The following ARHGAP35 variants were observed in gnomAD, a reference collection of about 807,000 sequenced individuals.
ARHGAP35 encodes the protein Rho GTPase activating protein 35, also known as rho GTPase-activating protein 35.
A neutral mutation model predicts 111.1 loss-of-function variants in ARHGAP35; 15 were observed. The observed-to-expected ratio is 0.13, with a 90% confidence interval of 0.09 to 0.21. The LOEUF is 0.21. Among genes scored for constraint, ARHGAP35 ranks in the 10% least tolerant of loss-of-function variants. The pLI, the probability that ARHGAP35 is intolerant of heterozygous loss-of-function variation, is 1.00. For synonymous variants in ARHGAP35, 643 were observed against 710.3 expected, an observed-to-expected ratio of 0.91 and a Z score of 1.51; for missense variants, 1,262 against 1,873.0, an observed-to-expected ratio of 0.67 and a Z score of 6.02.
In ARHGAP35 at chr19:46,919,230, C is replaced by T. The variant is rs189377450; in HGVS notation, c.555C>T (p.Tyr185=). The T allele has an allele frequency of 5.6e-3, 9,082 of 1,613,812 alleles. 190 individuals carry two copies. The highest frequency in any genetic ancestry group is 3.5e-3 in the Non-Finnish European group (4,105 of 1,179,862). The part of the protein sequence containing the change: ...DDQLKFVSNL[Y]NQLAKTKKPI... ...AGCTCAAGTTTGTCTCCAATCTCTACAATCAGCTTGCAAAAACAAAAAAGC... is the reference window on the plus strand; with the variant it reads ...AGCTCAAGTTTGTCTCCAATCTCTATAATCAGCTTGCAAAAACAAAAAAGC... Residue 185 remains tyrosine, a synonymous_variant, in exon 2 of 7, where the codon TAC becomes TAT. Coordinates refer to ENST00000672722, the MANE Select transcript of ARHGAP35 (RefSeq NM_004491.5). This position sits in a 1 kb window ranked among gnomAD's most constrained non-coding sequence, Gnocchi z 6.2.
chr19:46,920,402 C>A lies in ARHGAP35; in HGVS notation c.1727C>A (p.Ser576Tyr). The A allele has an allele frequency of 6.2e-7, 1 of 1,613,966 alleles. No homozygotes were observed. Residue 576 changes from serine to tyrosine, a missense_variant, in exon 2 of 7, where the codon TCT (serine) becomes TAT (tyrosine). By Grantham distance (144) the Ser-to-Tyr change is moderately radical. Coordinates refer to ENST00000672722, the MANE Select transcript of ARHGAP35 (RefSeq NM_004491.5). The surrounding 1 kb of genome is among the most constrained non-coding windows in gnomAD (Gnocchi z 7.0). The stretch of plus-strand genomic sequence containing the variant: ...GCTAAGATTGAGCACTTGATTAGTT[C>A]TCGGTTTATCCGGCCGTCTGACCGG... ...VDAKIEHLISSRFIRPSDRNQ... is the reference protein window; with the variant it reads ...VDAKIEHLISYRFIRPSDRNQ...
At chr19:46,861,686 C>G (rs1348188002) in intron 1 of ARHGAP35, among the ~76,000 whole-genome samples, 1 of 152,060 alleles carries the variant, frequency 6.6e-6, no homozygotes, top group Non-Finnish European at 1.5e-5. Context: ...TGACGCTTCT[C>G]CCTCTTCTCG....
intron 3 of ARHGAP35, among the ~76,000 whole-genome samples, chr19:46,980,164 C>T (rs554387788): frequency 8.5e-5 from 13 of 152,262 alleles, no homozygotes; most frequent in Non-Finnish European, 1.8e-4. Context: ...GTGGGCGGAC[C>T]ACCTGAGGTC....
At chr19:46,892,772 A>G (rs1004020742) in intron 1 of ARHGAP35, among the ~76,000 whole-genome samples, 1 of 151,608 alleles carries the variant, frequency 6.6e-6, no homozygotes, top group African/African-American at 2.4e-5. Flanking sequence ...AGTTCTTTCC[A>G]TAGGTTGATT....
intron 3 of ARHGAP35, among the ~76,000 whole-genome samples, chr19:46,940,823 C>G (rs1388799798): frequency 6.6e-6 from 1 of 152,136 alleles, no homozygotes; most frequent in Non-Finnish European, 1.5e-5. Flanking sequence ...CTGGCAGATA[C>G]CACAGGGCAG....
chr19:46,937,790 A>G (rs2056318127), intron 3 of ARHGAP35, among the ~76,000 whole-genome samples: 1 of 152,206 alleles, frequency 6.6e-6, no homozygotes, highest in Non-Finnish European at 1.5e-5. Flanking sequence ...TGTCCTCAGT[A>G]CTATAGTGGA....
Position 46,980,426 on chromosome 19 carries a change from C to T in ARHGAP35, c.3827-7563C>T, listed in dbSNP as rs963727970. Among the ~76,000 whole-genome samples, 4 of 152,298 alleles carry T rather than the reference C, an allele frequency of 2.6e-5. No homozygotes were observed. The East Asian group carries it at 7.7e-4, about 29-fold the overall frequency. On this transcript the variant is annotated intron_variant, in intron 3 of 6. Coordinates refer to ENST00000672722, the MANE Select transcript of ARHGAP35 (RefSeq NM_004491.5). ...AATATTTACAGCATCTTGACAGACT[C>T]ATTAATGATGTCATTACCCCATTTT...
chr19:46,968,856 G>A (rs1174405963), intron 3 of ARHGAP35, among the ~76,000 whole-genome samples: 7 of 152,198 alleles, frequency 4.6e-5, no homozygotes, highest in Non-Finnish European at 8.8e-5. Context: ...GGAGGCCAAG[G>A]CAGGCAGATC....
intron 2 of ARHGAP35, among the ~76,000 whole-genome samples, chr19:46,935,519 G>A (rs549285934): frequency 2.6e-5 from 4 of 152,184 alleles, no homozygotes; most frequent in Non-Finnish European, 5.9e-5. Context: ...AAGGGGTACT[G>A]GTAGGAACGA....
chr19:46,996,983 C>T (rs1430623515), intron 5 of ARHGAP35, among the ~76,000 whole-genome samples: 1 of 152,070 alleles, frequency 6.6e-6, no homozygotes, highest in Non-Finnish European at 1.5e-5. Context: ...CGTGATGAAA[C>T]CCCGTCTCTA....
At position 46,919,448 on chromosome 19, in the gene ARHGAP35, C is replaced by T. The variant is rs1351711604; in HGVS notation, c.773C>T (p.Pro258Leu). 6.2e-7 allele frequency: 1 copy of T among 1,613,916 alleles called. No homozygotes were observed. The highest frequency in any genetic ancestry group is 2.2e-5 in the East Asian group (1 of 44,878). Residue 258 changes from proline to leucine, a missense_variant, in exon 2 of 7, where the codon CCT (proline) becomes CTT (leucine). Coordinates refer to ENST00000672722, the MANE Select transcript of ARHGAP35 (RefSeq NM_004491.5). The surrounding 1 kb of genome is among the most constrained non-coding windows in gnomAD (Gnocchi z 6.2). Reference protein sequence around the residue: ...DKSRGKTKIIPYFEALKQQSQ... With the variant: ...DKSRGKTKIILYFEALKQQSQ... ...AGTCGGGGAAAGACAAAAATCATTC[C>T]TTATTTTGAAGCTCTCAAGCAGCAG...
intron 1 of ARHGAP35, among the ~76,000 whole-genome samples, chr19:46,889,826 T>C (rs527830594): frequency 1.2e-4 from 18 of 151,904 alleles, no homozygotes; most frequent in Non-Finnish European, 1.9e-4. Context: ...AAGCCATTGC[T>C]TCAGCTTTCT....
chr19:46,928,575 C>T (rs184064138), intron 2 of ARHGAP35, among the ~76,000 whole-genome samples: 11 of 152,010 alleles, frequency 7.2e-5, no homozygotes, highest in Admixed American at 4.6e-4. Context: ...ACACTGGCCA[C>T]GAGTTGTCTT....
chr19:46,992,983 G>A lies in ARHGAP35; in HGVS notation c.4036+3308G>A, dbSNP rs147747244. ...CTTTGATCTGTCCACATAGCTGCCC[G>A]AGGGCACGGGGGTGCTTCTCACACC... On this transcript the variant is annotated intron_variant, in intron 5 of 6. Transcript: ENST00000672722. This position sits in a 1 kb window ranked among gnomAD's most constrained non-coding sequence, Gnocchi z 4.4. Among the ~76,000 whole-genome samples the A allele has an allele frequency of 2.5e-3, 379 of 152,310 alleles. No individual in the cohort carries two copies. Among genetic ancestry groups the A allele is most frequent in the African/African-American group, 8.4e-3 (351 of 41,564 alleles).
intron 1 of ARHGAP35, among the ~76,000 whole-genome samples, chr19:46,862,271 C>G (rs1476627888): frequency 6.6e-6 from 1 of 152,156 alleles, no homozygotes; most frequent in Non-Finnish European, 1.5e-5. Flanking sequence ...ATCCCTAACT[C>G]AGACTGCCTT....
In ARHGAP35 at chr19:46,997,114, G is replaced by A. The variant is rs1326995224; in HGVS notation, c.4037-2190G>A. 2.6e-5 allele frequency among the ~76,000 whole-genome samples: 4 copies of A among 152,202 alleles called. No homozygotes were observed. In the South Asian group the frequency reaches 6.2e-4, roughly 24 times the overall value. Reference sequence around the variant, plus strand: ...AGAGGTTGCAGTGAGCTGAGATCACGCCACTGCACTCCAGCCTGGGCAACA... The same window carrying A: ...AGAGGTTGCAGTGAGCTGAGATCACACCACTGCACTCCAGCCTGGGCAACA... On this transcript the variant is annotated intron_variant, in intron 5 of 6. Transcript: ENST00000672722.
intron 3 of ARHGAP35, among the ~76,000 whole-genome samples, chr19:46,949,590 G>T (rs1291949421): frequency 6.6e-6 from 1 of 152,174 alleles, no homozygotes; most frequent in African/African-American, 2.4e-5. Context: ...CCGTGAACTC[G>T]TTTTCCACTA....
chr19:46,977,533 T>C (rs2056586067), intron 3 of ARHGAP35, among the ~76,000 whole-genome samples: 1 of 152,184 alleles, frequency 6.6e-6, no homozygotes, highest in African/African-American at 2.4e-5. Context: ...AGCTACTGAA[T>C]GCCTTCCCTG....
chr19:46,997,495 A>G (rs1185171243), intron 5 of ARHGAP35: 2 of 152,152 alleles, frequency 1.3e-5, no homozygotes, highest in African/African-American at 4.8e-5. Flanking sequence ...TTTAATTGCC[A>G]GGTGTCACCG....
Sources: gnomAD v4.1 joint callset for allele counts (sites outside exome capture counted in the v4.1 genomes callset) on GRCh38, gnomAD v4.1.1 for gene constraint, Gnocchi (gnomAD v3.1) non-coding constraint, MANE v1.5 for transcripts, NCBI Gene and HGNC (gene_info 2026-07-23, HGNC 2026-07-21) for gene names.